CREBBP: variants seen among roughly 807,000 people sequenced by gnomAD.
CREBBP encodes the protein CREB-binding protein.
In CREBBP, 19 loss-of-function variants were observed where a neutral mutation model predicts 265.0. The observed-to-expected ratio is 0.07, with a 90% CI of 0.05 to 0.11. The LOEUF is 0.11. Among genes scored for constraint, CREBBP ranks in the 10% least tolerant of loss-of-function variants. CREBBP has a pLI of 1.00. For synonymous variants in CREBBP, 1,457 were observed against 1,223.7 expected (o/e 1.19, Z -3.98); for missense variants, 2,525 against 3,219.0 (o/e 0.78, Z 5.22).
At chr16:3,858,441 T>G (rs1395472360) in intron 1 of CREBBP, among the ~76,000 whole-genome samples, 1 of 152,218 alleles carries the variant, frequency 6.6e-6, no homozygotes. Flanking sequence ...AGAACTCTTT[T>G]ATGCTCCTAC....
intron 15 of CREBBP, 91 bp downstream of exon 15, chr16:3,769,083 G>T (rs932520525): frequency 7.1e-7 from 1 of 1,413,148 alleles, no homozygotes; most frequent in African/African-American, 1.4e-5. Flanking sequence ...CTAAAGTCAG[G>T]GATACCCATG....
At chr16:3,769,489 G>A (rs1371059637) in intron 14 of CREBBP, 136 bp from the exon 15 acceptor site, 19 of 1,060,762 alleles carry the variant, frequency 1.8e-5, no homozygotes, top group South Asian at 2.7e-5. Context: ...CTGTGAAACC[G>A]AAGAACAGGG....
At position 3,849,436 on chromosome 16, in the gene CREBBP, T is replaced by TGTGTGTGTG. The variant is rs1567360358; in HGVS notation, c.798+852_798+860dup. 2.5e-3 allele frequency among the ~76,000 whole-genome samples: 28 copies of TGTGTGTGTG among 11,406 alleles called. 1 individual carries two copies. The highest frequency in any genetic ancestry group is 9.3e-3 in the Non-Finnish European group (15 of 1,608). The allele number at this position is 11,406 out of a possible 152,430, so 7.5% of individuals were successfully genotyped here. ...GTGTGTGTGTGTGTGTGTGTGTGTGTGTGTGTGTGTGTGTGTGTGTGTGTG... is the reference window on the plus strand; with the variant it reads ...GTGTGTGTGTGTGTGTGTGTGTGTGTGTGTGTGTGGTGTGTGTGTGTGTGTGTGTGTGTG... On this transcript the variant is annotated intron_variant, in intron 2 of 30. Coordinates refer to ENST00000262367, the MANE Select transcript of CREBBP (RefSeq NM_004380.3).
chr16:3,733,496 G>C (rs927610946), intron 28 of CREBBP, among the ~76,000 whole-genome samples: 1 of 152,128 alleles, frequency 6.6e-6, no homozygotes, highest in Non-Finnish European at 1.5e-5. Context: ...ACGAAGTGTA[G>C]ACTTAACAAT....
At chr16:3,755,739 T>A (rs1016688234) in intron 19 of CREBBP, among the ~76,000 whole-genome samples, 3 of 152,064 alleles carry the variant, frequency 2.0e-5, no homozygotes, top group Admixed American at 6.5e-5. Context: ...TCATAAAATG[T>A]TTCTATTGAT....
At chr16:3,796,411 G>A (rs984938747) in intron 3 of CREBBP, among the ~76,000 whole-genome samples, 2 of 150,184 alleles carry the variant, frequency 1.3e-5, no homozygotes, top group African/African-American at 4.9e-5. Flanking sequence ...TTTGAGACGG[G>A]AGTCTCACTC....
intron 2 of CREBBP, among the ~76,000 whole-genome samples, chr16:3,849,445 GTGT>G (rs1567360597): frequency 0.012 from 283 of 24,214 alleles, 21 homozygotes; most frequent in East Asian, 0.031. Flanking sequence ...GTGTGTGTGT[GTGT>G]GTGTGTGTGT....
rs573642546 is a variant in CREBBP at position 3,874,301 on chromosome 16, C to T, written c.85+5531G>A. Among the ~76,000 whole-genome samples, 143 of 152,300 alleles carry T rather than the reference C, an allele frequency of 9.4e-4. 2 individuals carry two copies. Among genetic ancestry groups the T allele is most frequent in the African/African-American group, 3.2e-3 (134 of 41,560 alleles). ...AGCCTGCTGCTCACCTGGGCTCTCC[C>T]GGGCTCCACATCATGCAGCTCAGAA... is the stretch of plus-strand genomic sequence containing the variant. On this transcript the variant is annotated intron_variant, in intron 1 of 30. Transcript: ENST00000262367.
intron 16 of CREBBP, among the ~76,000 whole-genome samples, chr16:3,765,234 C>T (rs1009842781): frequency 2.6e-5 from 4 of 152,174 alleles, no homozygotes; most frequent in Non-Finnish European, 5.9e-5. Flanking sequence ...CCTTGGCCTC[C>T]GAAAGTGCGG....
In CREBBP at chr16:3,767,581, A is replaced by C. The variant is rs2301852; in HGVS notation, c.3250+139T>G. ...TCAGCCTGAGTGTTTCTGCAGGGGAAAGTCTGGGGAATGGCAGGCAAGAAA... is the reference window on the plus strand; with the variant it reads ...TCAGCCTGAGTGTTTCTGCAGGGGACAGTCTGGGGAATGGCAGGCAAGAAA... On this transcript the variant is annotated intron_variant, in intron 16 of 30. Coordinates refer to ENST00000262367, the MANE Select transcript of CREBBP (RefSeq NM_004380.3). 1,236 of 1,142,764 alleles carry C rather than the reference A, an allele frequency of 1.1e-3. 15 individuals are homozygous for C. The East Asian group carries it at 0.028, about 26-fold the overall frequency. 70.8% of individuals were successfully genotyped at this position (1,142,764 alleles called of 1,614,324 possible).
chr16:3,816,797 C>T lies in CREBBP; in HGVS notation c.799-6018G>A, dbSNP rs191393424. Among the ~76,000 whole-genome samples the T allele has an allele frequency of 1.2e-4, 18 of 152,302 alleles. No individual in the cohort carries two copies. In the East Asian group the frequency reaches 2.7e-3, roughly 23 times the overall value. ...CACCTTCCTGGAACATTCTCTGCATCCCCTGCAACATACCAGGGATGCAGC... is the reference window on the plus strand; with the variant it reads ...CACCTTCCTGGAACATTCTCTGCATTCCCTGCAACATACCAGGGATGCAGC... On this transcript the variant is annotated intron_variant, in intron 2 of 30. Coordinates refer to ENST00000262367, the MANE Select transcript of CREBBP (RefSeq NM_004380.3).
At chr16:3,802,114 A>ATTTTTTTTTTTTTTTTTTTTTTTT (rs71133657) in intron 3 of CREBBP, among the ~76,000 whole-genome samples, 1 of 50,580 alleles carries the variant, frequency 2.0e-5, no homozygotes, top group African/African-American at 9.3e-5. Context: ...GTATTCCTTA[A>ATTTTTTTTTTTTTTTTTTTTTTTT]TTTTTTTTTT....
At chr16:3,730,842 C>CG (rs1001812585) in intron 30 of CREBBP, among the ~76,000 whole-genome samples, 4 of 152,226 alleles carry the variant, frequency 2.6e-5, no homozygotes, top group East Asian at 1.9e-4. Context: ...GGAGCATGAC[C>CG]GGGGGGTCCT....
At position 3,739,592 on chromosome 16, in the gene CREBBP, G is replaced by T. The variant is rs794727402; in HGVS notation, c.4266C>A (p.Pro1422=). Residue 1422 remains proline (P), a synonymous_variant, in exon 25 of 31, where the codon CCC becomes CCA. Transcript: ENST00000262367. ...MHVQEYGSDC[P]PPNTRRVYIS... ...TGGAAAACTACCTCGTGTTTGGAGG[G>T]GGGCAATCAGAGCCGTATTCTTGGA... is the stretch of plus-strand genomic sequence containing the variant. The T allele has an allele frequency of 6.2e-7, 1 of 1,614,196 alleles. No individual in the cohort carries two copies.
intron 5 of CREBBP, among the ~76,000 whole-genome samples, chr16:3,787,592 A>G (rs906649163): frequency 1.3e-5 from 2 of 152,072 alleles, no homozygotes; most frequent in Non-Finnish European, 2.9e-5. Flanking sequence ...GTGGCAGTTC[A>G]AAGGACGGAG....
intron 2 of CREBBP, among the ~76,000 whole-genome samples, chr16:3,827,534 G>A (rs2054261370): frequency 6.6e-6 from 1 of 152,054 alleles, no homozygotes; most frequent in Non-Finnish European, 1.5e-5. Context: ...TGGGACTACA[G>A]GCGCCCGCCA....
In CREBBP at chr16:3,850,652, G is replaced by A; in HGVS notation, c.443C>T (p.Ser148Phe). Residue 148 changes from serine (S) to phenylalanine (F), a missense_variant, in exon 2 of 31, where the codon TCC becomes TTC. Physicochemically the swap from Ser to Phe is radical, Grantham distance 155. Coordinates refer to ENST00000262367, the MANE Select transcript of CREBBP (RefSeq NM_004380.3). The stretch of plus-strand genomic sequence containing the variant: ...TTGTGCTTGCGGATTCAGTGCTTGG[G>A]AGGCAGCGGGGGTGGGCCCAGAGGT... ...ASTSGPTPAA[S>F]QALNPQAQKQ... 1.2e-6 allele frequency: 2 copies of A among 1,614,218 alleles called. No homozygotes were observed. The highest frequency in any genetic ancestry group is 1.7e-6 in the Non-Finnish European group (2 of 1,180,046).
In CREBBP at chr16:3,726,583, A is replaced by G. The variant is rs1390115128; in HGVS notation, c.*1135T>C. On this transcript the variant is annotated 3_prime_UTR_variant, in exon 31 of 31. Coordinates refer to ENST00000262367, the MANE Select transcript of CREBBP (RefSeq NM_004380.3). ...ACCATGTCTTACAAAGAACAGACTC[A>G]AAAAATATATATAAATAAATAAAAA... 1.7e-5 allele frequency: 4 copies of G among 233,484 alleles called. No homozygotes were observed. Among genetic ancestry groups the G allele is most frequent in the Middle Eastern group, 1.2e-3 (1 of 806 alleles). The allele number at this position is 233,484 out of a possible 1,614,324, so 14.5% of individuals were successfully genotyped here. A position where few individuals can be genotyped will look rare whatever the true frequency, so the allele number is the denominator to read the frequency against.
At chr16:3,851,671 G>A (rs952732881) in intron 1 of CREBBP, among the ~76,000 whole-genome samples, 3 of 152,012 alleles carry the variant, frequency 2.0e-5, no homozygotes, top group Non-Finnish European at 4.4e-5. Flanking sequence ...TGGCTAACAC[G>A]GTGAAACCCC....
Sources: gnomAD v4.1 joint callset for allele counts (sites outside exome capture counted in the v4.1 genomes callset) on GRCh38, gnomAD v4.1.1 for gene constraint, MANE v1.5 for transcripts, NCBI Gene and HGNC (gene_info 2026-07-23, HGNC 2026-07-21) for gene names.